The following SLC24A2 variants were observed in gnomAD, a reference collection of about 807,000 sequenced individuals.
SLC24A2 encodes sodium/potassium/calcium exchanger 2.
SLC24A2 carries 36 observed loss-of-function variants against 62.0 expected under a neutral mutation model. That is an observed-to-expected ratio of 0.58 (90% CI 0.44 to 0.77). The LOEUF is 0.77. Ranked by LOEUF, SLC24A2 falls within the 30% of genes least tolerant of loss-of-function variation. The pLI is 0.00. For synonymous variants in SLC24A2, 358 were observed against 294.0 expected (o/e 1.22, Z -2.23); for missense variants, 846 against 817.9 (o/e 1.03, Z -0.42).
intron 2 of SLC24A2, among the ~76,000 whole-genome samples, chr9:19,690,915 G>A (rs913044643): frequency 7.4e-5 from 7 of 94,370 alleles, no homozygotes; most frequent in East Asian, 5.3e-4. Flanking sequence ...GTGTGTGTGC[G>A]TGTGAGAGAG....
At chr9:20,108,659 G>C in the SLC24A2 span, among the ~76,000 whole-genome samples, 1 of 150,784 alleles carries the variant, frequency 6.6e-6, no homozygotes, top group East Asian at 2.0e-4. Flanking sequence ...GAGAACACAT[G>C]GACACAGGAA....
At chr9:19,550,920 C>T (rs534388253) in intron 7 of SLC24A2, among the ~76,000 whole-genome samples, 3 of 152,028 alleles carry the variant, frequency 2.0e-5, no homozygotes, top group South Asian at 4.2e-4. Context: ...GTGTAATGAT[C>T]AAGTCAGGGT....
the SLC24A2 span, among the ~76,000 whole-genome samples, chr9:20,251,579 C>T: frequency 0.023 from 3,480 of 152,052 alleles, 98 homozygotes; most frequent in African/African-American, 0.067. Flanking sequence ...AAAGAGAAAG[C>T]GTTAATAAGA....
the SLC24A2 span, among the ~76,000 whole-genome samples, chr9:19,937,183 C>A: frequency 2.6e-5 from 4 of 152,170 alleles, no homozygotes; most frequent in African/African-American, 9.7e-5. Context: ...GACCCCTGGT[C>A]AGTCCATGTA....
At chr9:19,936,440 A>T in the SLC24A2 span, among the ~76,000 whole-genome samples, 2 of 152,022 alleles carry the variant, frequency 1.3e-5, no homozygotes, top group Non-Finnish European at 2.9e-5. Flanking sequence ...TGCTTGGCTA[A>T]TTTTTGTATT....
chr9:20,268,601 CT>C, the SLC24A2 span, among the ~76,000 whole-genome samples: 2 of 152,172 alleles, frequency 1.3e-5, no homozygotes, highest in African/African-American at 4.8e-5. Flanking sequence ...CAAGAAGGCC[CT>C]CATCAGATGC....
intron 5 of SLC24A2, among the ~76,000 whole-genome samples, chr9:19,578,885 A>T (rs772969311): frequency 6.6e-6 from 1 of 152,190 alleles, no homozygotes; most frequent in Non-Finnish European, 1.5e-5. Flanking sequence ...TGCCACAACA[A>T]AGGCAAAGGC....
At chr9:19,887,730 T>A in the SLC24A2 span, among the ~76,000 whole-genome samples, 1 of 152,156 alleles carries the variant, frequency 6.6e-6, no homozygotes, top group Admixed American at 6.6e-5. Flanking sequence ...GAAGTCATTA[T>A]ACGAAAAATA....
chr9:20,056,620 T>A, the SLC24A2 span, among the ~76,000 whole-genome samples: 2 of 152,224 alleles, frequency 1.3e-5, no homozygotes, highest in Non-Finnish European at 2.9e-5. Flanking sequence ...AATTCCCTGT[T>A]GAATAACTCT....
At chr9:19,523,514 G>C (rs1833294134) in intron 9 of SLC24A2, among the ~76,000 whole-genome samples, 3 of 152,132 alleles carry the variant, frequency 2.0e-5, no homozygotes, top group Admixed American at 6.5e-5. Context: ...CCAGGCTGGA[G>C]TGCAGTGGTG....
At chr9:19,953,684 A>G in the SLC24A2 span, among the ~76,000 whole-genome samples, 1 of 152,074 alleles carries the variant, frequency 6.6e-6, no homozygotes, top group African/African-American at 2.4e-5. Flanking sequence ...ATAACAATAC[A>G]AATATTTATA....
chr9:19,790,702 AT>A (rs1823307781), upstream of SLC24A2, among the ~76,000 whole-genome samples: 2 of 152,138 alleles, frequency 1.3e-5, no homozygotes, highest in Non-Finnish European at 2.9e-5. Flanking sequence ...ACAATTGTGC[AT>A]TTATTTTGCC....
intron 4 of SLC24A2, among the ~76,000 whole-genome samples, chr9:19,612,527 T>C (rs1837207920): frequency 6.6e-6 from 1 of 152,158 alleles, no homozygotes; most frequent in African/African-American, 2.4e-5. Context: ...GTAGGTATTA[T>C]TACTCTCTTT....
At chr9:19,637,405 C>T (rs1200096129) in intron 2 of SLC24A2, among the ~76,000 whole-genome samples, 2 of 152,140 alleles carry the variant, frequency 1.3e-5, no homozygotes, top group East Asian at 1.9e-4. Flanking sequence ...AACTGTTGCC[C>T]GACTGTGTTT....
At chr9:19,867,854 GC>G in the SLC24A2 span, among the ~76,000 whole-genome samples, 1 of 152,144 alleles carries the variant, frequency 6.6e-6, no homozygotes, top group Non-Finnish European at 1.5e-5. Context: ...GTTGCAGTGA[GC>G]CAAGATTGCC....
chr9:20,101,949 G>A, the SLC24A2 span, among the ~76,000 whole-genome samples: 2 of 152,124 alleles, frequency 1.3e-5, no homozygotes, highest in African/African-American at 4.8e-5. Context: ...TAACAGTGGA[G>A]AGAAAGATCT....
chr9:20,170,873 G>A, the SLC24A2 span, among the ~76,000 whole-genome samples: 1 of 151,962 alleles, frequency 6.6e-6, no homozygotes. Flanking sequence ...AGAACACCCA[G>A]GAAATTCATG....
the SLC24A2 span, among the ~76,000 whole-genome samples, chr9:19,811,987 G>T: frequency 6.6e-6 from 1 of 151,896 alleles, no homozygotes; most frequent in Non-Finnish European, 1.5e-5. Context: ...TTGTTTATTT[G>T]AAAACATCTT....
At chr9:19,652,429 A>G (rs1818827983) in intron 2 of SLC24A2, among the ~76,000 whole-genome samples, 1 of 152,146 alleles carries the variant, frequency 6.6e-6, no homozygotes, top group Non-Finnish European at 1.5e-5. Context: ...TGTAATCACA[A>G]GGGTCCTCAT....
Sources: allele counts gnomAD v4.1 joint callset (sites outside exome capture counted in the v4.1 genomes callset), GRCh38; gene constraint gnomAD v4.1.1; transcripts MANE v1.5; gene names NCBI Gene and HGNC (gene_info 2026-07-23, HGNC 2026-07-21).